Variants in NUGGC observed in about 807,000 individuals in gnomAD.
NUGGC encodes the protein nuclear GTPase, germinal center associated, also known as nuclear GTPase SLIP-GC.
NUGGC carries 58 observed loss-of-function variants against 92.6 expected under a neutral mutation model. The observed-to-expected ratio is 0.63, with a 90% confidence interval of 0.51 to 0.78. The LOEUF (loss-of-function observed/expected upper bound fraction) is 0.78, where lower values mean the gene tolerates loss of function less well. Among genes scored for constraint, NUGGC ranks in the 30% least tolerant of loss-of-function variants. The probability of loss-of-function intolerance (pLI) is 0.00; values close to 1 mark genes in which losing one functional copy is unlikely to be tolerated. For missense variants in NUGGC, 925 were observed against 964.6 expected (o/e 0.96, Z 0.54); for synonymous variants, 376 against 366.4 (o/e 1.03, Z -0.30).
intron 1 of NUGGC, 107 bp from the exon 2 acceptor site, chr8:28,074,563 A>C (rs1810673440): frequency 2.8e-6 from 2 of 703,556 alleles, no homozygotes; most frequent in Non-Finnish European, 5.1e-6. Context: ...TGCCCATTCC[A>C]ACGTATCTCT....
rs147463572 is a variant in NUGGC at position 28,052,967 on chromosome 8, T to C, written c.1206+2998A>G. On this transcript the variant is annotated intron_variant, in intron 10 of 18. Transcript: ENST00000413272. ...TGTAGACAGTAATTCCAGATTTTTT[T>C]GCAAAGCAACACCTAAGTGCTTCAT... 3.7e-3 allele frequency among the ~76,000 whole-genome samples: 566 copies of C among 152,224 alleles called. 4 individuals carry two copies. Among genetic ancestry groups the C allele is most frequent in the African/African-American group, 0.013 (547 of 41,540 alleles).
At chr8:28,047,369 T>C (rs1809865882) in intron 11 of NUGGC, 138 bp downstream of exon 11, 3 of 591,194 alleles carry the variant, frequency 5.1e-6, no homozygotes, top group Non-Finnish European at 9.0e-6. Flanking sequence ...AATATCCTTA[T>C]TTGCAATTGG....
Position 28,041,422 on chromosome 8 carries a change from T to C in NUGGC, c.1447-207A>G, listed in dbSNP as rs115712408. ...TTAGAGAATAGAACAAATACCTGCC[T>C]GGTGCAACTTATTTCATTTCTTAAA... is the stretch of plus-strand genomic sequence containing the variant. On this transcript the variant is annotated intron_variant, in intron 12 of 18. Coordinates refer to ENST00000413272, the MANE Select transcript of NUGGC (RefSeq NM_001010906.2). 1.9e-3 allele frequency among the ~76,000 whole-genome samples: 285 copies of C among 152,380 alleles called. 2 individuals are homozygous for C. The highest frequency in any genetic ancestry group is 6.4e-3 in the African/African-American group (265 of 41,588).
chr8:28,027,811 C>T (rs1276090669), intron 17 of NUGGC, among the ~76,000 whole-genome samples: 3 of 152,174 alleles, frequency 2.0e-5, no homozygotes, highest in African/African-American at 7.2e-5. Flanking sequence ...AGATTCACAG[C>T]TCCTAAACCA....
intron 12 of NUGGC, among the ~76,000 whole-genome samples, chr8:28,042,281 C>A (rs1234307330): frequency 6.6e-6 from 1 of 152,130 alleles, no homozygotes; most frequent in Non-Finnish European, 1.5e-5. Context: ...CACATGGGAA[C>A]CTTGGTGGGC....
chr8:28,064,282 T>C (rs1356228850), intron 7 of NUGGC, among the ~76,000 whole-genome samples: 1 of 152,200 alleles, frequency 6.6e-6, no homozygotes, highest in African/African-American at 2.4e-5. Context: ...TGCTGGTCTT[T>C]CTCATACATC....
intron 10 of NUGGC, among the ~76,000 whole-genome samples, chr8:28,050,044 G>A (rs951342898): frequency 6.6e-6 from 1 of 152,056 alleles, no homozygotes; most frequent in Admixed American, 6.6e-5. Flanking sequence ...CCATGATCAC[G>A]CCATTGAACT....
intron 1 of NUGGC, among the ~76,000 whole-genome samples, chr8:28,080,424 C>T (rs952018744): frequency 1.4e-3 from 207 of 152,346 alleles, no homozygotes; most frequent in African/African-American, 4.7e-3. Flanking sequence ...GGCAGAATCT[C>T]ATTTCACCCT....
intron 14 of NUGGC, 137 bp from the exon 15 acceptor site, chr8:28,031,518 T>C (rs1307675331): frequency 1.2e-6 from 1 of 830,478 alleles, no homozygotes; most frequent in East Asian, 2.6e-5. Context: ...ATCCCTATAA[T>C]GTGCCAGGCA....
intron 18 of NUGGC, among the ~76,000 whole-genome samples, chr8:28,024,195 C>CTTTTTTTTTT (rs763885790): frequency 3.0e-3 from 367 of 123,962 alleles, no homozygotes; most frequent in East Asian, 9.0e-3. Flanking sequence ...TAAATTCTTT[C>CTTTTTTTTTT]TTTTTTTTTT....
chr8:28,054,431 G>A (rs574186918), intron 10 of NUGGC, among the ~76,000 whole-genome samples: 90 of 151,968 alleles, frequency 5.9e-4, no homozygotes, highest in Middle Eastern at 3.4e-3. Flanking sequence ...GCAGTGAGCC[G>A]AGATTGCACC....
rs762546435 is a variant in NUGGC at position 28,055,986 on chromosome 8, T to A, written c.1185A>T (p.Arg395Ser). Reference sequence around the variant, plus strand: ...TCACCTTCAGTTTTTCCTTGAGAATTCTAGTCCTTTGTAGTTTTATCATTT... The same window carrying A: ...TCACCTTCAGTTTTTCCTTGAGAATACTAGTCCTTTGTAGTTTTATCATTT... ...RNEMIKLQRTRILKEKLKRKL... is the reference protein window; with the variant it reads ...RNEMIKLQRTSILKEKLKRKL... Residue 395 changes from arginine (R) to serine (S), a missense_variant, in exon 10 of 19, where the codon AGA (arginine) becomes AGT (serine). Arg to Ser is a moderately radical substitution (Grantham distance 110). Coordinates refer to ENST00000413272, the MANE Select transcript of NUGGC (RefSeq NM_001010906.2). The A allele has an allele frequency of 5.3e-5, 82 of 1,548,274 alleles. No individual in the cohort carries two copies. Among genetic ancestry groups the A allele is most frequent in the Non-Finnish European group, 3.5e-5 (40 of 1,138,358 alleles).
rs1809680149 is a variant in NUGGC, at chr8:28,040,934, C to CG, written c.1611+116_1611+117insC. The CG allele has an allele frequency of 5.8e-6, 6 of 1,036,818 alleles. No homozygotes were observed. In the African/African-American group the frequency reaches 9.6e-5, roughly 17 times the overall value. The allele number at this position is 1,036,818 out of a possible 1,614,324, so 64.2% of individuals were successfully genotyped here. A position where few individuals can be genotyped will look rare whatever the true frequency, so the allele number is the denominator to read the frequency against. Reference sequence around the variant, plus strand: ...TGCTGGGATTACAGGCATGAGCCGCCATGCCCGGCCCGCTAACTCTTTACC... The same window carrying CG: ...TGCTGGGATTACAGGCATGAGCCGCCGATGCCCGGCCCGCTAACTCTTTACC... On this transcript the variant is annotated intron_variant, in intron 13 of 18. Coordinates refer to ENST00000413272, the MANE Select transcript of NUGGC (RefSeq NM_001010906.2).
rs780325957 is a variant in NUGGC, at chr8:28,074,421, G to T, written c.-11C>A. The T allele has an allele frequency of 3.9e-5, 63 of 1,613,198 alleles. No individual in the cohort carries two copies. Among genetic ancestry groups the T allele is most frequent in the Non-Finnish European group, 5.2e-5 (61 of 1,179,552 alleles). On this transcript the variant is annotated 5_prime_UTR_variant, in exon 2 of 19. Coordinates refer to ENST00000413272, the MANE Select transcript of NUGGC (RefSeq NM_001010906.2). ...CTTCGTTTCTGCCATTCCTTGTTAC[G>T]TGAACTCCTGCTCTTCTCAGTTCAG...
intron 1 of NUGGC, 51 bp from the exon 2 acceptor site, chr8:28,074,507 A>C (rs1194972464): frequency 7.9e-6 from 10 of 1,269,652 alleles, no homozygotes; most frequent in Non-Finnish European, 1.1e-5. Context: ...TTGAAAATAC[A>C]GAAAGCAAAC....
intron 10 of NUGGC, among the ~76,000 whole-genome samples, chr8:28,052,997 C>T (rs375669437): frequency 1.8e-4 from 28 of 151,886 alleles, no homozygotes; most frequent in African/African-American, 6.5e-4. Flanking sequence ...CTTCATGGGA[C>T]CTAGGAAAGG....
chr8:28,044,984 G>A (rs1809793759), intron 12 of NUGGC, among the ~76,000 whole-genome samples: 1 of 152,142 alleles, frequency 6.6e-6, no homozygotes, highest in Non-Finnish European at 1.5e-5. Flanking sequence ...ATTACTATGA[G>A]AAAAGTAATT....
rs192269596 is a variant in NUGGC at position 28,027,669 on chromosome 8, G to A, written c.2155-617C>T. ...CTAGTTTTGAAGCTGGATCTCCTAC[G>A]CTTTTTCTTTAACGTTCTAGATTCT... On this transcript the variant is annotated intron_variant, in intron 17 of 18. Coordinates refer to ENST00000413272, the MANE Select transcript of NUGGC (RefSeq NM_001010906.2). Among the ~76,000 whole-genome samples the A allele has an allele frequency of 5.9e-5, 9 of 152,118 alleles. No homozygotes were observed. The South Asian group carries it at 8.3e-4, about 14-fold the overall frequency.
chr8:28,030,547 C>G, intron 15 of NUGGC, 129 bp from the exon 16 acceptor site: 1 of 655,780 alleles, frequency 1.5e-6, no homozygotes, highest in Non-Finnish European at 2.8e-6. Context: ...TGTCTGTCAT[C>G]TCCACAACTA....
Sources: allele counts gnomAD v4.1 joint callset (sites outside exome capture counted in the v4.1 genomes callset), GRCh38; gene constraint gnomAD v4.1.1; transcripts MANE v1.5; gene names NCBI Gene and HGNC (gene_info 2026-07-23, HGNC 2026-07-21).